The following CDH13 variants were observed in gnomAD, a reference collection of about 807,000 sequenced individuals.
The protein encoded by CDH13 is cadherin 13, also known as cadherin-13.
CDH13 carries 24 observed loss-of-function variants against 63.8 expected under a neutral mutation model. The ratio of observed to expected loss-of-function variants is 0.38; its 90% confidence interval spans 0.27 to 0.53. The LOEUF (loss-of-function observed/expected upper bound fraction) is 0.53. CDH13 is among the 20% of genes least tolerant of loss of function. The pLI, the probability that CDH13 is intolerant of heterozygous loss-of-function variation, is 0.85. For synonymous variants in CDH13, 503 were observed against 355.3 expected (o/e 1.42, Z -4.67); for missense variants, 1,049 against 903.1 (o/e 1.16, Z -2.07).
chr16:82,748,829 T>A lies in CDH13; in HGVS notation c.46-109533T>A, dbSNP rs1317807029. Among the ~76,000 whole-genome samples the A allele has an allele frequency of 2.0e-5, 3 of 152,146 alleles. No individual in the cohort carries two copies. The East Asian group carries it at 5.8e-4, about 29-fold the overall frequency. ...TTTCTGTTTCCCAGCATCTTTTCCC[T>A]CCTGCCACTGCCTATTTTAAGCAAT... On this transcript the variant is annotated intron_variant, in intron 1 of 13. Coordinates refer to ENST00000567109, the MANE Select transcript of CDH13 (RefSeq NM_001257.5).
chr16:83,467,628 C>G (rs191036435), intron 6 of CDH13, among the ~76,000 whole-genome samples: 2 of 152,272 alleles, frequency 1.3e-5, no homozygotes, highest in East Asian at 3.9e-4. Context: ...TCTTTGGGCA[C>G]GAGACACCTG....
intron 10 of CDH13, among the ~76,000 whole-genome samples, chr16:83,729,663 C>T (rs1559321): frequency 6.6e-6 from 1 of 152,148 alleles, no homozygotes; most frequent in African/African-American, 2.4e-5. Flanking sequence ...AGTAATCCCA[C>T]CCACATGAAG....
intron 10 of CDH13, among the ~76,000 whole-genome samples, chr16:83,714,076 G>C (rs1908506271): frequency 6.6e-6 from 1 of 152,126 alleles, no homozygotes; most frequent in South Asian, 2.1e-4. Context: ...CAAAACTCTG[G>C]GGCAGTGAGT....
intron 2 of CDH13, among the ~76,000 whole-genome samples, chr16:82,902,709 T>A (rs1036080675): frequency 1.3e-5 from 2 of 152,142 alleles, no homozygotes; most frequent in Non-Finnish European, 2.9e-5. Context: ...TCATTCATTT[T>A]TGTCTCTTCT....
chr16:83,736,748 C>T (rs1441438813), intron 10 of CDH13, among the ~76,000 whole-genome samples: 2 of 152,132 alleles, frequency 1.3e-5, no homozygotes, highest in East Asian at 3.9e-4. Flanking sequence ...TAGGAAGAGC[C>T]CGGCCACAGC....
intron 5 of CDH13, among the ~76,000 whole-genome samples, chr16:83,331,523 G>C (rs2090479964): frequency 6.6e-6 from 1 of 152,162 alleles, no homozygotes; most frequent in Non-Finnish European, 1.5e-5. Flanking sequence ...TCAGTGTGTA[G>C]TCACTGCCTG....
At chr16:83,360,372 G>A (rs1371616490) in intron 6 of CDH13, among the ~76,000 whole-genome samples, 1 of 152,168 alleles carries the variant, frequency 6.6e-6, no homozygotes, top group African/African-American at 2.4e-5. Flanking sequence ...TCAATATATG[G>A]GAGGGGGTTC....
chr16:83,387,923 C>A (rs1045729695), intron 6 of CDH13, among the ~76,000 whole-genome samples: 1 of 152,144 alleles, frequency 6.6e-6, no homozygotes, highest in Admixed American at 6.5e-5. Flanking sequence ...CTTGAGTATT[C>A]AAGAATTTCT....
At chr16:82,660,409 A>C (rs1422106368) in intron 1 of CDH13, among the ~76,000 whole-genome samples, 3 of 151,660 alleles carry the variant, frequency 2.0e-5, no homozygotes, top group African/African-American at 7.3e-5. Flanking sequence ...TGCTGAAACC[A>C]CCCACTATGG....
At chr16:83,078,193 T>G (rs966066026) in intron 3 of CDH13, among the ~76,000 whole-genome samples, 4 of 152,198 alleles carry the variant, frequency 2.6e-5, no homozygotes, top group South Asian at 2.1e-4. Context: ...TTCCTGTCAC[T>G]GAGTCTCTTC....
chr16:82,924,612 A>G (rs991418124), intron 2 of CDH13, among the ~76,000 whole-genome samples: 3 of 152,138 alleles, frequency 2.0e-5, no homozygotes, highest in African/African-American at 4.8e-5. Flanking sequence ...CCATCCACCT[A>G]ATTTTAGAGC....
chr16:83,585,407 G>A (rs1372838553), intron 7 of CDH13, among the ~76,000 whole-genome samples: 1 of 152,206 alleles, frequency 6.6e-6, no homozygotes, highest in Non-Finnish European at 1.5e-5. Flanking sequence ...TTCAGTGGGT[G>A]TGGGAGAGGA....
chr16:82,632,264 C>G (rs1328831953), intron 1 of CDH13, among the ~76,000 whole-genome samples: 1 of 152,162 alleles, frequency 6.6e-6, no homozygotes, highest in East Asian at 1.9e-4. Context: ...TCTGCTTTCA[C>G]AAATGTTGAG....
At chr16:82,938,223 A>G (rs888081411) in intron 2 of CDH13, among the ~76,000 whole-genome samples, 1 of 152,198 alleles carries the variant, frequency 6.6e-6, no homozygotes, top group Non-Finnish European at 1.5e-5. Flanking sequence ...AGGTGTAAAA[A>G]CAGCCTTTGC....
At chr16:83,770,926 C>A (rs761090401) in intron 11 of CDH13, among the ~76,000 whole-genome samples, 1 of 152,276 alleles carries the variant, frequency 6.6e-6, no homozygotes, top group East Asian at 1.9e-4. Flanking sequence ...CCCAGTAGAT[C>A]TCTGCCTCAT....
intron 1 of CDH13, among the ~76,000 whole-genome samples, chr16:82,643,574 C>G (rs985211866): frequency 2.0e-5 from 3 of 152,216 alleles, no homozygotes; most frequent in African/African-American, 7.2e-5. Context: ...TGCAGGTCAC[C>G]TTGGCCTATT....
At chr16:83,592,661 A>G (rs939753446) in intron 7 of CDH13, among the ~76,000 whole-genome samples, 1 of 152,228 alleles carries the variant, frequency 6.6e-6, no homozygotes, top group Non-Finnish European at 1.5e-5. Context: ...TCTAAGAGAC[A>G]GTGTTTATTT....
In CDH13 at chr16:83,670,833, A is replaced by T; in HGVS notation, c.1145A>T (p.Asn382Ile). 6.2e-7 allele frequency: 1 copy of T among 1,613,934 alleles called. No homozygotes were observed. ...VEEGAVGVIV[N>I]LTVEDKDDPT... Reference sequence around the variant, plus strand: ...GAAGGAGCTGTGGGAGTTATTGTCAATTTGACAGTTGAAGATAAGGATGAC... The same window carrying T: ...GAAGGAGCTGTGGGAGTTATTGTCATTTTGACAGTTGAAGATAAGGATGAC... Residue 382 changes from asparagine (N) to isoleucine (I), a missense_variant, in exon 9 of 14, where the codon AAT becomes ATT. Asn to Ile is a moderately radical substitution (Grantham distance 149). Transcript: ENST00000567109.
intron 2 of CDH13, 173 bp downstream of exon 2, chr16:82,858,646 T>C (rs561789110): frequency 3.4e-5 from 22 of 646,572 alleles, no homozygotes; most frequent in Non-Finnish European, 6.2e-5. Context: ...CTGGCCAACT[T>C]AGAGGTTAAT....
Sources: allele counts gnomAD v4.1 joint callset (sites outside exome capture counted in the v4.1 genomes callset), GRCh38; gene constraint gnomAD v4.1.1; transcripts MANE v1.5; gene names NCBI Gene and HGNC (gene_info 2026-07-23, HGNC 2026-07-21).